The following FRMPD4 variants were observed in gnomAD, a reference collection of about 807,000 sequenced individuals.
The protein encoded by FRMPD4 is FERM and PDZ domain-containing protein 4.
In FRMPD4, 22 loss-of-function variants were observed where a neutral mutation model predicts 94.1. The ratio of observed to expected loss-of-function variants is 0.23; its 90% CI spans 0.17 to 0.33. The LOEUF is 0.33. Ranked by LOEUF, FRMPD4 falls within the 10% of genes least tolerant of loss-of-function variation. The probability of loss-of-function intolerance (pLI) is 1.00; values close to 1 mark genes in which losing one functional copy is unlikely to be tolerated. For missense variants in FRMPD4, 1,111 were observed against 1,339.9 expected (o/e 0.83, Z 2.67); for synonymous variants, 631 against 548.6 (o/e 1.15, Z -2.10).
chrX:11,899,044 G>A (rs190467150), intron 3 of FRMPD4, among the ~76,000 whole-genome samples: 1 of 112,548 alleles, frequency 8.9e-6, no homozygotes, highest in Admixed American at 9.4e-5. Context: ...TAAAAACTAC[G>A]AAATGGCTTT....
At chrX:12,120,895 C>G (rs763516411) in intron 3 of FRMPD4, among the ~76,000 whole-genome samples, 5 of 110,662 alleles carry the variant, frequency 4.5e-5, no homozygotes, top group African/African-American at 6.5e-5. Flanking sequence ...TGATTGACCA[C>G]TTTCAGTGAT....
chrX:12,184,133 A>G (rs1388619756), intron 1 of FRMPD4, among the ~76,000 whole-genome samples: 1 of 111,429 alleles, frequency 9.0e-6, no homozygotes, highest in Non-Finnish European at 1.9e-5. Context: ...GTAGTCTGCA[A>G]CACTGATTTT....
At chrX:12,638,627 C>T (rs1235562351) in intron 4 of FRMPD4, among the ~76,000 whole-genome samples, 1 of 109,015 alleles carries the variant, frequency 9.2e-6, no homozygotes, top group African/African-American at 3.3e-5. Context: ...CACACCTGCC[C>T]ACCTTTTGTT....
At chrX:12,667,046 CTG>C (rs1255615896) in intron 4 of FRMPD4, among the ~76,000 whole-genome samples, 2 of 112,591 alleles carry the variant, frequency 1.8e-5, no homozygotes, top group Admixed American at 9.4e-5. Flanking sequence ...GAGTTCAACA[CTG>C]TTTCACTGCA....
At chrX:12,068,910 C>T (rs1047112908) in intron 3 of FRMPD4, among the ~76,000 whole-genome samples, 1 of 112,188 alleles carries the variant, frequency 8.9e-6, no homozygotes, top group East Asian at 2.8e-4. Flanking sequence ...ACTTTCTGCT[C>T]CTGAAGTGCT....
At chrX:11,907,466 C>T (rs2053974041) in intron 3 of FRMPD4, among the ~76,000 whole-genome samples, 1 of 112,231 alleles carries the variant, frequency 8.9e-6, no homozygotes, top group Non-Finnish European at 1.9e-5. Flanking sequence ...ATTTATTTCT[C>T]ATAGTTCTGG....
intron 1 of FRMPD4, among the ~76,000 whole-genome samples, chrX:11,832,572 T>A (rs1481309929): frequency 8.9e-6 from 1 of 111,919 alleles, no homozygotes; most frequent in Non-Finnish European, 1.9e-5. Flanking sequence ...ACCTCGGGGT[T>A]GGAAGGGGCT....
At chrX:12,388,819 A>AT (rs2056434375) in intron 1 of FRMPD4, among the ~76,000 whole-genome samples, 1 of 9,666 alleles carries the variant, frequency 1.0e-4, no homozygotes, top group African/African-American at 4.2e-4. Flanking sequence ...AGAAAATGTG[A>AT]TATATATATA....
chrX:12,293,013 A>AT (rs1007694078), intron 1 of FRMPD4, among the ~76,000 whole-genome samples: 1 of 108,169 alleles, frequency 9.2e-6, no homozygotes, highest in Non-Finnish European at 1.9e-5. Context: ...CTGTGACTGC[A>AT]TTTTTTTTCT....
intron 2 of FRMPD4, among the ~76,000 whole-genome samples, chrX:12,527,171 G>A (rs2058233005): frequency 8.9e-6 from 1 of 111,754 alleles, no homozygotes; most frequent in Non-Finnish European, 1.9e-5. Context: ...TGCCTCTTGA[G>A]GGATAAATGT....
intron 3 of FRMPD4, among the ~76,000 whole-genome samples, chrX:11,908,717 TA>T (rs2053981360): frequency 8.9e-6 from 1 of 112,156 alleles, no homozygotes; most frequent in Non-Finnish European, 1.9e-5. Flanking sequence ...CAGAGTTCAC[TA>T]GTTTTTCATG....
chrX:12,700,263 T>C (rs964248200), intron 9 of FRMPD4, among the ~76,000 whole-genome samples: 2 of 111,830 alleles, frequency 1.8e-5, no homozygotes, highest in Admixed American at 9.5e-5. Context: ...ATATTGTTTT[T>C]TGAGCTCCAA....
chrX:11,891,340 G>C (rs2053872356), intron 3 of FRMPD4, among the ~76,000 whole-genome samples: 1 of 112,468 alleles, frequency 8.9e-6, no homozygotes, highest in Non-Finnish European at 1.9e-5. Flanking sequence ...CTGTGCGTGG[G>C]ATGGAAAGGC....
chrX:12,152,472 TG>T (rs1172294363), intron 1 of FRMPD4, among the ~76,000 whole-genome samples: 1 of 110,897 alleles, frequency 9.0e-6, no homozygotes, highest in Non-Finnish European at 1.9e-5. Flanking sequence ...GGTATCAGAA[TG>T]GGGGGGTAAT....
At chrX:11,862,520 T>C (rs896773754) in intron 1 of FRMPD4, among the ~76,000 whole-genome samples, 2 of 111,560 alleles carry the variant, frequency 1.8e-5, no homozygotes, top group Non-Finnish European at 3.8e-5. Flanking sequence ...GCTCTGATAA[T>C]GTGCCTTACA....
intron 3 of FRMPD4, among the ~76,000 whole-genome samples, chrX:11,980,052 T>C (rs1047830932): frequency 8.9e-6 from 1 of 112,039 alleles, no homozygotes; most frequent in Middle Eastern, 4.6e-3. Flanking sequence ...CACATGTGTA[T>C]GTGGTAGATT....
intron 3 of FRMPD4, among the ~76,000 whole-genome samples, chrX:11,882,008 A>G (rs778466355): frequency 3.6e-5 from 4 of 111,850 alleles, no homozygotes; most frequent in Admixed American, 1.9e-4. Flanking sequence ...TATGAAAGCC[A>G]GAGACCCAGG....
At position 12,717,683 on chromosome X, in the gene FRMPD4, T is replaced by A. The variant is rs2042119181; in HGVS notation, c.2857T>A (p.Phe953Ile). The A allele has an allele frequency of 8.3e-7, 1 of 1,209,148 alleles. No individual in the cohort carries two copies. The highest frequency in any genetic ancestry group is 2.2e-5 in the Admixed American group (1 of 45,850). The change falls in exon 16 of 17, where the codon TTC (phenylalanine) becomes ATC (isoleucine). Residue 953 changes from phenylalanine to isoleucine, a missense_variant. Transcript: ENST00000675598. Reference protein sequence around the residue: ...YHPLAEEQTEFPASKTPAGGL... With the variant: ...YHPLAEEQTEIPASKTPAGGL... ...CCCCCTTGCAGAAGAGCAGACCGAG[T>A]TCCCGGCCTCCAAGACCCCCGCTGG... is the stretch of plus-strand genomic sequence containing the variant.
At chrX:12,221,482 C>T (rs2056866987) in intron 1 of FRMPD4, among the ~76,000 whole-genome samples, 1 of 112,299 alleles carries the variant, frequency 8.9e-6, no homozygotes, top group Admixed American at 9.4e-5. Flanking sequence ...ACTAGATATC[C>T]ATATGAATAA....
Sources: allele counts gnomAD v4.1 joint callset (sites outside exome capture counted in the v4.1 genomes callset), GRCh38; gene constraint gnomAD v4.1.1; transcripts MANE v1.5; gene names NCBI Gene and HGNC (gene_info 2026-07-23, HGNC 2026-07-21).